TRPC4AP: variants seen among roughly 807,000 people sequenced by gnomAD.
TRPC4AP encodes transient receptor potential cation channel subfamily C member 4 associated protein.
A neutral mutation model predicts 99.0 loss-of-function variants in TRPC4AP; 45 were observed. The ratio of observed to expected loss-of-function variants is 0.45; its 90% confidence interval spans 0.36 to 0.58. The LOEUF is 0.58. TRPC4AP is among the 20% of genes least tolerant of loss of function. TRPC4AP has a pLI of 0.00. For missense variants in TRPC4AP, 879 were observed against 985.3 expected (o/e 0.89, Z 1.44); for synonymous variants, 408 against 385.8 (o/e 1.06, Z -0.67).
intron 1 of TRPC4AP, among the ~76,000 whole-genome samples, chr20:35,084,496 CTAT>C (rs2084749330): frequency 1.8e-5 from 1 of 55,092 alleles, no homozygotes; most frequent in Non-Finnish European, 4.8e-5. Context: ...ATGTATATAT[CTAT>C]ATATGTATAT....
chr20:35,019,602 C>T (rs1374988239), intron 9 of TRPC4AP, among the ~76,000 whole-genome samples: 2 of 152,008 alleles, frequency 1.3e-5, no homozygotes, highest in Non-Finnish European at 2.9e-5. Flanking sequence ...GAAAGTGCCT[C>T]GAAAAAGTAA....
intron 11 of TRPC4AP, among the ~76,000 whole-genome samples, chr20:35,012,561 G>A (rs567437576): frequency 2.6e-5 from 4 of 152,322 alleles, no homozygotes; most frequent in African/African-American, 7.2e-5. Context: ...AAAAATAAAT[G>A]AGCGCAGAAT....
At chr20:35,024,423 T>A (rs1270260505) in intron 8 of TRPC4AP, among the ~76,000 whole-genome samples, 1 of 152,222 alleles carries the variant, frequency 6.6e-6, no homozygotes. Context: ...ATATGCCATC[T>A]TTTGTGACTG....
At chr20:35,038,087 G>A (rs1378901675) in intron 7 of TRPC4AP, among the ~76,000 whole-genome samples, 1 of 150,602 alleles carries the variant, frequency 6.6e-6, no homozygotes, top group Admixed American at 6.7e-5. Flanking sequence ...ATGGGAAGAA[G>A]CTGCTTAATG....
At chr20:35,026,185 G>C (rs1429389183) in intron 8 of TRPC4AP, among the ~76,000 whole-genome samples, 1 of 150,990 alleles carries the variant, frequency 6.6e-6, no homozygotes, top group African/African-American at 2.4e-5. Context: ...CAGCTTTGTA[G>C]TAAGTTTTCA....
chr20:35,091,123 T>A (rs989102625), intron 1 of TRPC4AP, among the ~76,000 whole-genome samples: 3 of 150,926 alleles, frequency 2.0e-5, no homozygotes, highest in African/African-American at 7.3e-5. Flanking sequence ...TCCTCCCACC[T>A]CAGCCTCCCC....
At chr20:35,067,197 A>G (rs1408286645) in intron 3 of TRPC4AP, among the ~76,000 whole-genome samples, 1 of 152,234 alleles carries the variant, frequency 6.6e-6, no homozygotes, top group Non-Finnish European at 1.5e-5. Flanking sequence ...GGCTGTAATC[A>G]TTACAGGGCT....
At chr20:35,051,452 C>T (rs987804388) in intron 5 of TRPC4AP, among the ~76,000 whole-genome samples, 35 of 152,146 alleles carry the variant, frequency 2.3e-4, no homozygotes, top group East Asian at 1.2e-3. Flanking sequence ...GGACTACAGG[C>T]GTGCACCACC....
Position 35,063,638 on chromosome 20 carries a change from C to T in TRPC4AP, c.414+5658G>A, listed in dbSNP as rs191607270. Among the ~76,000 whole-genome samples, 169 of 152,190 alleles carry T rather than the reference C, an allele frequency of 1.1e-3. 2 individuals carry two copies. Among genetic ancestry groups the T allele is most frequent in the Admixed American group, 0.01 (154 of 15,286 alleles). On this transcript the variant is annotated intron_variant, in intron 3 of 18. Coordinates refer to ENST00000252015, the MANE Select transcript of TRPC4AP (RefSeq NM_015638.3). ...ACTGAAGAAGGTGAGGCAGGAAGAT[C>T]ATTTGAGACCAGGAGTTGGAGACTG...
chr20:35,056,716 C>T (rs1409382161), intron 4 of TRPC4AP, among the ~76,000 whole-genome samples: 1 of 151,974 alleles, frequency 6.6e-6, no homozygotes, highest in Non-Finnish European at 1.5e-5. Context: ...TGCGGTGGCT[C>T]ATGCCTGTAA....
intron 5 of TRPC4AP, 33 bp downstream of exon 5, chr20:35,054,943 G>A: frequency 6.3e-7 from 1 of 1,587,660 alleles, no homozygotes; most frequent in Non-Finnish European, 8.6e-7. Context: ...TGGTAGGGGA[G>A]ATAAACAGAG....
chr20:35,024,499 T>C (rs1475902791), intron 8 of TRPC4AP, among the ~76,000 whole-genome samples: 3 of 152,276 alleles, frequency 2.0e-5, no homozygotes, highest in Non-Finnish European at 4.4e-5. Context: ...GCATTCCCTT[T>C]TATTGCTGAA....
intron 7 of TRPC4AP, among the ~76,000 whole-genome samples, chr20:35,043,939 C>T (rs2083498743): frequency 6.6e-6 from 1 of 152,146 alleles, no homozygotes; most frequent in Non-Finnish European, 1.5e-5. Context: ...AAAGTATATG[C>T]ATTTGTAATT....
At position 35,075,539 on chromosome 20, in the gene TRPC4AP, A is replaced by C. The variant is rs2084453294; in HGVS notation, c.297+2507T>G. ...TGAAGCTTAGTTTGGCTGGATATGA[A>C]ACTCTGGGTTGAAAATTCTTTTCTT... On this transcript the variant is annotated intron_variant, in intron 2 of 18. Transcript: ENST00000252015. Among the ~76,000 whole-genome samples, 3 of 152,258 alleles carry C rather than the reference A, an allele frequency of 2.0e-5. No homozygotes were observed. The South Asian group carries it at 6.2e-4, about 32-fold the overall frequency.
chr20:35,030,999 T>C (rs765135020), intron 8 of TRPC4AP, among the ~76,000 whole-genome samples: 8 of 152,228 alleles, frequency 5.3e-5, no homozygotes, highest in Non-Finnish European at 8.8e-5. Flanking sequence ...ATGAGTTCTT[T>C]CAGTTTTTCT....
At chr20:35,029,978 A>G (rs1296890793) in intron 8 of TRPC4AP, among the ~76,000 whole-genome samples, 2 of 142,690 alleles carry the variant, frequency 1.4e-5, no homozygotes, top group African/African-American at 2.5e-5. Context: ...GCGGTGGCTC[A>G]TACCCGTAAT....
chr20:35,044,488 G>A lies in TRPC4AP; in HGVS notation c.865+17C>T. On this transcript the variant is annotated intron_variant, in intron 7 of 18. Coordinates refer to ENST00000252015, the MANE Select transcript of TRPC4AP (RefSeq NM_015638.3). ...CAGAGCTATAATCTCAAAATTCTGA[G>A]AACTTGGAGACTTTACCTTGATTGA... is the stretch of plus-strand genomic sequence containing the variant. 2 of 1,607,134 alleles carry A rather than the reference G, an allele frequency of 1.2e-6. No homozygotes were observed. Among genetic ancestry groups the A allele is most frequent in the Non-Finnish European group, 8.5e-7 (1 of 1,174,574 alleles).
chr20:35,013,003 C>T lies in TRPC4AP; in HGVS notation c.1409+5G>A. 1 of 1,614,118 alleles carries T rather than the reference C, an allele frequency of 6.2e-7. No individual in the cohort carries two copies. The highest frequency in any genetic ancestry group is 8.5e-7 in the Non-Finnish European group (1 of 1,180,016). ...CTCTCCTTGCAGGGACACTCTTGTACTTACTCGTGGTGGTCACTGAAGCTC... is the reference window on the plus strand; with the variant it reads ...CTCTCCTTGCAGGGACACTCTTGTATTTACTCGTGGTGGTCACTGAAGCTC... On this transcript the variant is annotated splice_donor_5th_base_variant and intron_variant, in intron 11 of 18. Coordinates refer to ENST00000252015, the MANE Select transcript of TRPC4AP (RefSeq NM_015638.3).
At chr20:35,070,690 G>A (rs187287908) in intron 2 of TRPC4AP, among the ~76,000 whole-genome samples, 87 of 152,280 alleles carry the variant, frequency 5.7e-4, no homozygotes, top group Non-Finnish European at 9.6e-4. Flanking sequence ...GAGTCACTGC[G>A]CCCGGCCAAA....
Sources: gnomAD v4.1 joint callset for allele counts (sites outside exome capture counted in the v4.1 genomes callset) on GRCh38, gnomAD v4.1.1 for gene constraint, MANE v1.5 for transcripts, NCBI Gene and HGNC (gene_info 2026-07-23, HGNC 2026-07-21) for gene names.